The following RANBP9 variants were observed in gnomAD, a reference collection of about 807,000 sequenced individuals.
RANBP9 encodes the protein RAN binding protein 9.
Under a neutral mutation model 84.3 loss-of-function variants are expected in RANBP9, and 15 were observed. The observed-to-expected ratio is 0.18, with a 90% CI of 0.12 to 0.27. The LOEUF (loss-of-function observed/expected upper bound fraction) is 0.27. RANBP9 is among the 10% of genes least tolerant of loss of function. The pLI is 1.00. For synonymous variants in RANBP9, 392 were observed against 349.6 expected (o/e 1.12, Z -1.35); for missense variants, 809 against 912.8 (o/e 0.89, Z 1.46).
chr6:13,661,574 T>C (rs1214247044), intron 2 of RANBP9, among the ~76,000 whole-genome samples: 1 of 151,906 alleles, frequency 6.6e-6, no homozygotes. Flanking sequence ...ACCCAATGGA[T>C]AGTATGATTT....
At chr6:13,626,019 GA>G (rs538890234) in intron 12 of RANBP9, among the ~76,000 whole-genome samples, 2 of 151,354 alleles carry the variant, frequency 1.3e-5, no homozygotes, top group South Asian at 2.1e-4. Flanking sequence ...CACAAAACAG[GA>G]AAAAAAAATT....
chr6:13,704,617 T>A (rs1309952892), intron 1 of RANBP9, among the ~76,000 whole-genome samples: 1 of 151,022 alleles, frequency 6.6e-6, no homozygotes, highest in Admixed American at 6.6e-5. Flanking sequence ...GACAATGGAG[T>A]CAGACCCTGC....
chr6:13,667,799 A>G (rs1333753486), intron 2 of RANBP9, among the ~76,000 whole-genome samples: 3 of 152,178 alleles, frequency 2.0e-5, no homozygotes, highest in African/African-American at 7.2e-5. Context: ...AGTACATTCT[A>G]TGATATTCCT....
At chr6:13,639,024 GCTGA>G (rs969567255) in intron 9 of RANBP9, among the ~76,000 whole-genome samples, 13 of 152,140 alleles carry the variant, frequency 8.5e-5, no homozygotes, top group Middle Eastern at 3.2e-3. Context: ...CATTGTGAAT[GCTGA>G]CTTTCATTTA....
chr6:13,622,454 C>T lies in RANBP9; in HGVS notation c.2098G>A (p.Ala700Thr), dbSNP rs774169568. The T allele has an allele frequency of 1.3e-6, 2 of 1,599,168 alleles. No homozygotes were observed. The highest frequency in any genetic ancestry group is 1.8e-5 in the Admixed American group (1 of 56,790). ...NLPKQPPLAL[A>T]MGQATQCLGL... ...AGACATTGTGTGGCCTGTCCCATTG[C>T]TAGGGCAAGTGGAGGTTGCTTTGGC... Residue 700 changes from alanine to threonine, a missense_variant, in exon 14 of 14, where the codon GCA becomes ACA. Ala to Thr is a moderately conservative substitution (Grantham distance 58, BLOSUM62 0). Around this residue, in one of 5 missense-constraint regions of RANBP9, gnomAD observed 233 missense variants for 234.4 expected, o/e 0.99. Coordinates refer to ENST00000011619, the MANE Select transcript of RANBP9 (RefSeq NM_005493.3).
At chr6:13,625,620 A>T (rs747560728) in intron 13 of RANBP9, 33 bp downstream of exon 13, 1 of 1,461,786 alleles carries the variant, frequency 6.8e-7, no homozygotes, top group Non-Finnish European at 9.6e-7. Context: ...CAGAGAATCT[A>T]ACTGAAATTG....
At chr6:13,674,523 C>A (rs866554059) in intron 2 of RANBP9, among the ~76,000 whole-genome samples, 1 of 152,194 alleles carries the variant, frequency 6.6e-6, no homozygotes, top group Admixed American at 6.5e-5. Context: ...GCTATATGTG[C>A]AAACAGCAAA....
intron 13 of RANBP9, 22 bp from the exon 14 acceptor site, chr6:13,622,514 A>C: frequency 6.5e-7 from 1 of 1,549,868 alleles, no homozygotes; most frequent in Non-Finnish European, 8.7e-7. Flanking sequence ...TAATTTAAAA[A>C]TGAGAACAGC....
At chr6:13,667,437 T>C (rs1446343726) in intron 2 of RANBP9, among the ~76,000 whole-genome samples, 1 of 152,192 alleles carries the variant, frequency 6.6e-6, no homozygotes, top group African/African-American at 2.4e-5. Context: ...AGTATATGTA[T>C]CACATGCTGG....
At chr6:13,660,832 G>T (rs1765524969) in intron 2 of RANBP9, among the ~76,000 whole-genome samples, 1 of 152,128 alleles carries the variant, frequency 6.6e-6, no homozygotes, top group South Asian at 2.1e-4. Context: ...CATTAAGTTT[G>T]TATTTTGATT....
chr6:13,632,802 AAAGTAT>A (rs1272770017), intron 11 of RANBP9: 1 of 236,978 alleles, frequency 4.2e-6, no homozygotes, highest in East Asian at 8.2e-5. Context: ...AATTTTAGAA[AAAGTAT>A]AATTCCCTAA....
At chr6:13,703,827 T>G (rs1055086014) in intron 1 of RANBP9, among the ~76,000 whole-genome samples, 2 of 152,244 alleles carry the variant, frequency 1.3e-5, no homozygotes, top group Non-Finnish European at 2.9e-5. Flanking sequence ...TTCCTGTTCT[T>G]TCTGTAAGGC....
intron 2 of RANBP9, among the ~76,000 whole-genome samples, chr6:13,668,257 A>G (rs529003732): frequency 3.9e-5 from 6 of 152,228 alleles, no homozygotes; most frequent in Non-Finnish European, 7.4e-5. Flanking sequence ...TTAAAACACA[A>G]AGACAAGCCC....
At chr6:13,682,163 A>G (rs765782302) in intron 2 of RANBP9, among the ~76,000 whole-genome samples, 52 of 152,256 alleles carry the variant, frequency 3.4e-4, no homozygotes, top group South Asian at 6.2e-4. Context: ...CACCTGGGCC[A>G]AGTGCCTTCT....
chr6:13,642,053 A>T (rs532640971), intron 7 of RANBP9, among the ~76,000 whole-genome samples: 1 of 152,322 alleles, frequency 6.6e-6, no homozygotes, highest in Non-Finnish European at 1.5e-5. Context: ...AGAGGCCAGC[A>T]CTAGGATCTA....
chr6:13,700,430 CATTG>C (rs1232015974), intron 1 of RANBP9, among the ~76,000 whole-genome samples: 1 of 152,198 alleles, frequency 6.6e-6, no homozygotes, highest in Non-Finnish European at 1.5e-5. Context: ...CAATTCTTCA[CATTG>C]ATCAGGCCAG....
intron 5 of RANBP9, 125 bp downstream of exon 5, chr6:13,652,534 C>T: frequency 1.1e-6 from 1 of 887,004 alleles, no homozygotes; most frequent in South Asian, 2.2e-5. Flanking sequence ...TCTTTCTTTG[C>T]ATGTCATATA....
At chr6:13,674,486 C>A (rs146886078) in intron 2 of RANBP9, among the ~76,000 whole-genome samples, 1 of 152,142 alleles carries the variant, frequency 6.6e-6, no homozygotes, top group Non-Finnish European at 1.5e-5. Context: ...TGTCAAGGGT[C>A]GTGATCAACT....
chr6:13,653,413 T>C (rs941619903), intron 4 of RANBP9, among the ~76,000 whole-genome samples: 2 of 152,166 alleles, frequency 1.3e-5, no homozygotes, highest in Admixed American at 6.5e-5. Context: ...ATATACAACT[T>C]AGCTGAAAAT....
Sources: allele counts gnomAD v4.1 joint callset (sites outside exome capture counted in the v4.1 genomes callset), GRCh38; gene constraint gnomAD v4.1.1; regional missense constraint gnomAD v4.1.1; transcripts MANE v1.5; gene names NCBI Gene and HGNC (gene_info 2026-07-23, HGNC 2026-07-21).